The following NEB variants were observed in gnomAD, a reference collection of about 807,000 sequenced individuals.
The protein encoded by NEB is nemaline myopathy type 2.
Under a neutral mutation model 952.2 loss-of-function variants are expected in NEB, and 512 were observed. That is an observed-to-expected ratio of 0.54 (90% CI 0.50 to 0.58). NEB has a LOEUF of 0.58. Among genes scored for constraint, NEB ranks in the 20% least tolerant of loss-of-function variants. The pLI is 0.00. For synonymous variants in NEB, 2,900 were observed against 3,149.8 expected, an observed-to-expected ratio of 0.92 and a Z score of 2.66; for missense variants, 8,428 against 9,231.1, an observed-to-expected ratio of 0.91 and a Z score of 3.56.
Position 151,697,650 on chromosome 2 carries a change from T to C in NEB, c.1153-2A>G, listed in dbSNP as rs1553609515. 1.9e-6 allele frequency: 3 copies of C among 1,591,658 alleles called. No homozygotes were observed. Among genetic ancestry groups the C allele is most frequent in the Middle Eastern group, 1.7e-4 (1 of 5,962 alleles). On this transcript the variant is annotated splice_acceptor_variant, in intron 13 of 181. Coordinates refer to ENST00000397345, the MANE Select transcript of NEB (RefSeq NM_001164508.2). LOFTEE classifies it high-confidence loss of function. ...TTCATAGTTTTCCTTGTATAGTTTC[T>C]GTCAAAGAAAAAAAATTCAGTTAAA... is the stretch of plus-strand genomic sequence containing the variant.
chr2:151,522,499 A>C (rs1343470252), intron 153 of NEB, among the ~76,000 whole-genome samples: 1 of 152,230 alleles, frequency 6.6e-6, no homozygotes, highest in Non-Finnish European at 1.5e-5. Context: ...TCCATCTCTG[A>C]GTCTAGTCTA....
At position 151,677,927 on chromosome 2, in the gene NEB, A is replaced by C. The variant is rs1471310622; in HGVS notation, c.3516T>G (p.Pro1172=). ...TAGACAGCTCCAGGTCCATGGCGTCAGGCAAGTAGGTGTAATGATGGAGAG... is the reference window on the plus strand; with the variant it reads ...TAGACAGCTCCAGGTCCATGGCGTCCGGCAAGTAGGTGTAATGATGGAGAG... The part of the protein sequence containing the change: ...KHSLHHYTYL[P]DAMDLELSKN... Residue 1172 remains proline, a synonymous_variant, in exon 33 of 182, where the codon CCT becomes CCG. Coordinates refer to ENST00000397345, the MANE Select transcript of NEB (RefSeq NM_001164508.2). 8 of 1,613,640 alleles carry C rather than the reference A, an allele frequency of 5.0e-6. No homozygotes were observed. The highest frequency in any genetic ancestry group is 1.7e-5 in the Admixed American group (1 of 59,982).
At chr2:151,493,264 T>C in intron 176 of NEB, 89 bp downstream of exon 176, 3 of 1,008,740 alleles carry the variant, frequency 3.0e-6, no homozygotes, top group Non-Finnish European at 1.5e-6. Flanking sequence ...TAGTGTGTTT[T>C]TCAGTTGAAT....
At chr2:151,669,426 C>T (rs2099259057) in intron 38 of NEB, among the ~76,000 whole-genome samples, 1 of 152,194 alleles carries the variant, frequency 6.6e-6, no homozygotes, top group African/African-American at 2.4e-5. Context: ...AGACATAAAA[C>T]ATGTAAACTA....
In NEB at chr2:151,519,761, TA is replaced by T; in HGVS notation, c.22486del (p.Tyr7496ThrfsTer26). 6.2e-7 allele frequency: 1 copy of T among 1,601,854 alleles called. No homozygotes were observed. ...KAAKLSSQVK[Y>X]RENFDKEKGK... ...CTTTTCTTTATCGAAATTTTCTCGGTATTTAACCTAACAGCAAATGCAAACA... is the reference window on the plus strand; with the variant it reads ...CTTTTCTTTATCGAAATTTTCTCGGTTTTAACCTAACAGCAAATGCAAACA... On this transcript the variant is annotated frameshift_variant, in exon 154 of 182. Coordinates refer to ENST00000397345, the MANE Select transcript of NEB (RefSeq NM_001164508.2). LOFTEE classifies it high-confidence loss of function.
At chr2:151,655,208 A>G (rs2099075074) in intron 51 of NEB, 62 bp downstream of exon 51, 1 of 984,848 alleles carries the variant, frequency 1.0e-6, no homozygotes, top group South Asian at 1.6e-5. Context: ...TTACTGTTAC[A>G]TTATTTTATA....
At chr2:151,666,007 C>A (rs1185490799) in intron 41 of NEB, 83 bp downstream of exon 41, 1 of 1,363,468 alleles carries the variant, frequency 7.3e-7, no homozygotes, top group Non-Finnish European at 1.0e-6. Flanking sequence ...GTGAGTGCAG[C>A]CAGGTGTGGG....
At chr2:151,592,321 TAAATC>T (rs1473836671) in intron 94 of NEB, among the ~76,000 whole-genome samples, 183 bp from the exon 95 acceptor site, 2 of 148,782 alleles carry the variant, frequency 1.3e-5, no homozygotes, top group Non-Finnish European at 3.0e-5. Flanking sequence ...GATTAATAGG[TAAATC>T]TAATTTTATA....
At position 151,667,843 on chromosome 2, in the gene NEB, T is replaced by A. The variant is rs369222043; in HGVS notation, c.4680A>T (p.Pro1560=). 5.0e-6 allele frequency: 8 copies of A among 1,612,666 alleles called. No homozygotes were observed. The African/African-American group carries it at 8.0e-5, about 16-fold the overall frequency. The change falls in exon 40 of 182, where the codon CCA becomes CCT. Residue 1560 remains proline (P), a synonymous_variant. Transcript: ENST00000397345. ...KGYDLRPDAI[P]IVAAKSSRNI... ...TCCTTGAACTTTTTGCAGCAACAAT[T>A]GGGATGGCATCTGGTCTCAAATCAT...
chr2:151,670,295 C>T (rs1470437993), intron 38 of NEB, among the ~76,000 whole-genome samples: 1 of 152,132 alleles, frequency 6.6e-6, no homozygotes, highest in African/African-American at 2.4e-5. Context: ...GGCTAAAATA[C>T]AAAAAGTCTT....
intron 44 of NEB, 25 bp from the exon 45 acceptor site, chr2:151,663,884 T>C (rs2099173851): frequency 6.3e-7 from 1 of 1,591,830 alleles, no homozygotes; most frequent in Non-Finnish European, 8.6e-7. Context: ...GAAATTATGG[T>C]GATGAAAATG....
intron 10 of NEB, 58 bp downstream of exon 10, chr2:151,717,358 G>A: frequency 8.3e-7 from 1 of 1,205,086 alleles, no homozygotes; most frequent in Non-Finnish European, 1.2e-6. Context: ...CTCTCTGATG[G>A]TTGAAATTAT....
rs372391684 is a variant in NEB, at chr2:151,551,842, C to G, written c.19840G>C (p.Val6614Leu). 2 of 1,605,680 alleles carry G rather than the reference C, an allele frequency of 1.2e-6. No individual in the cohort carries two copies. The highest frequency in any genetic ancestry group is 2.7e-5 in the African/African-American group (2 of 74,708). ...CTGTGCACATAGTCATAGTGGTAGA[C>G]AGCCTGGTGCAGAAAGAAGCATTGT... ...VKSGKQLSDA[V>L]YHYDYVHSVR... Residue 6614 changes from valine (V) to leucine (L), a missense_variant, in exon 129 of 182, where the codon GTC (valine) becomes CTC (leucine). By Grantham distance (32) the Val-to-Leu change is conservative. Around this residue, in one of 11 missense-constraint regions of NEB, gnomAD observed 3,374 missense variants for 3,651.5 expected, o/e 0.92. Transcript: ENST00000397345.
intron 67 of NEB, 68 bp from the exon 68 acceptor site, chr2:151,629,714 A>T: frequency 7.6e-7 from 1 of 1,318,340 alleles, no homozygotes; most frequent in Non-Finnish European, 1.1e-6. Flanking sequence ...TTATTAAGTG[A>T]CTTATATCCT....
intron 138 of NEB, 43 bp from the exon 139 acceptor site, chr2:151,538,287 G>C: frequency 7.1e-7 from 1 of 1,409,982 alleles, no homozygotes; most frequent in Middle Eastern, 1.8e-4. Context: ...AAACTACCAA[G>C]TTAAATAATT....
intron 13 of NEB, among the ~76,000 whole-genome samples, chr2:151,699,903 A>G (rs1263759519): frequency 2.0e-5 from 3 of 151,328 alleles, no homozygotes; most frequent in Non-Finnish European, 3.0e-5. Flanking sequence ...TTTTGTTGCC[A>G]TTGCTTTTGG....
intron 10 of NEB, among the ~76,000 whole-genome samples, chr2:151,716,572 A>C (rs182747961): frequency 1.3e-5 from 2 of 152,304 alleles, no homozygotes; most frequent in East Asian, 3.9e-4. Context: ...CCTTTATCCA[A>C]ACAGCTCATA....
At chr2:151,491,565 G>C (rs1297150201) in intron 179 of NEB, 118 bp downstream of exon 179, 1 of 833,098 alleles carries the variant, frequency 1.2e-6, no homozygotes, top group Non-Finnish European at 2.0e-6. Flanking sequence ...TGCCAAATGG[G>C]CAGCTCAGAA....
chr2:151,500,352 A>T (rs189366071), intron 168 of NEB, among the ~76,000 whole-genome samples: 7 of 152,150 alleles, frequency 4.6e-5, no homozygotes, highest in African/African-American at 1.7e-4. Context: ...TTTCCTAATG[A>T]CATTTGATTC....
Sources: allele counts gnomAD v4.1 joint callset (sites outside exome capture counted in the v4.1 genomes callset), GRCh38; gene constraint gnomAD v4.1.1; regional missense constraint gnomAD v4.1.1; transcripts MANE v1.5; gene names NCBI Gene and HGNC (gene_info 2026-07-23, HGNC 2026-07-21).